Variants in FAM107A observed in about 807,000 individuals in gnomAD.
FAM107A encodes actin-associated protein FAM107A.
A neutral mutation model predicts 13.7 loss-of-function variants in FAM107A; 19 were observed. The observed-to-expected ratio is 1.38, with a 90% CI of 0.97 to 2.03. The LOEUF (loss-of-function observed/expected upper bound fraction) is 2.03, where lower values mean the gene tolerates loss of function less well. Among genes scored for constraint, FAM107A ranks in the 30% most tolerant of loss-of-function variants. FAM107A has a pLI of 0.00. For synonymous variants in FAM107A, 82 were observed against 74.5 expected (o/e 1.10, Z -0.52); for missense variants, 203 against 184.4 (o/e 1.10, Z -0.58).
chr3:58,613,996 C>T lies in FAM107A; in HGVS notation c.-70+13420G>A, dbSNP rs1433203977. 1.3e-5 allele frequency among the ~76,000 whole-genome samples: 2 copies of T among 152,220 alleles called. No individual in the cohort carries two copies. The highest frequency in any genetic ancestry group is 4.8e-5 in the African/African-American group (2 of 41,466). On this transcript the variant is annotated intron_variant, in intron 1 of 3. Coordinates refer to the FAM107A transcript ENST00000465970. This position sits in a 1 kb window ranked among gnomAD's most constrained non-coding sequence, Gnocchi z 4.6. The stretch of plus-strand genomic sequence containing the variant: ...GCATCAGTCACTAGGGGAAGTCAGT[C>T]TCTCTCTAGTATTCACCTGGCTGAG...
chr3:58,595,539 TG>T (rs2065699893), intron 1 of FAM107A, among the ~76,000 whole-genome samples: 1 of 150,750 alleles, frequency 6.6e-6, no homozygotes. Flanking sequence ...CCCTTGAGAA[TG>T]TACTTTTTAA....
intron 1 of FAM107A, among the ~76,000 whole-genome samples, chr3:58,585,300 G>A (rs911815078): frequency 3.9e-5 from 6 of 152,204 alleles, no homozygotes; most frequent in Non-Finnish European, 7.3e-5. Flanking sequence ...TAGGGAAATC[G>A]CCGGAGCTGG....
intron 1 of FAM107A, among the ~76,000 whole-genome samples, chr3:58,582,819 A>C (rs1357650852): frequency 1.3e-5 from 2 of 152,308 alleles, no homozygotes; most frequent in East Asian, 3.9e-4. Context: ...TGTTTGTTTG[A>C]GACAGAGTCT....
In FAM107A at chr3:58,627,065, C is replaced by T. The variant is rs944303682; in HGVS notation, c.-70+351G>A. The stretch of plus-strand genomic sequence containing the variant: ...TGGGGTCCTCCCTGCTGGCGTTGAT[C>T]TCAGGAGCCAGGACCCAAGGGGCTC... On this transcript the variant is annotated intron_variant, in intron 1 of 3. Transcript: ENST00000465970. The T allele has an allele frequency of 2.7e-6, 4 of 1,485,184 alleles. No homozygotes were observed. The African/African-American group carries it at 5.5e-5, about 21-fold the overall frequency. The allele number at this position is 1,485,184 out of a possible 1,614,324, so 92.0% of individuals were successfully genotyped here. A position where few individuals can be genotyped will look rare whatever the true frequency, so the allele number is the denominator to read the frequency against.
rs552005294 is a variant in FAM107A at position 58,623,602 on chromosome 3, A to AG, written c.-70+3813dup. On this transcript the variant is annotated intron_variant, in intron 1 of 3. Coordinates refer to the FAM107A transcript ENST00000465970. ...GAGGGGTTAAATGAGATGCCCCGAC[A>AG]GGGGCTCCAGGTGGGATGTGAGCAC... is the stretch of plus-strand genomic sequence containing the variant. Among the ~76,000 whole-genome samples the AG allele has an allele frequency of 7.2e-4, 109 of 152,346 alleles. 1 individual carries two copies. Among genetic ancestry groups the AG allele is most frequent in the African/African-American group, 2.5e-3 (105 of 41,576 alleles).
At chr3:58,622,171 G>A (rs990103697) in intron 1 of FAM107A, among the ~76,000 whole-genome samples, 2 of 152,172 alleles carry the variant, frequency 1.3e-5, no homozygotes, top group Non-Finnish European at 2.9e-5. Context: ...TTAGGGCTGG[G>A]CTCACACCTG....
At chr3:58,580,374 C>CT (rs1229505400), upstream of FAM107A, among the ~76,000 whole-genome samples, 126 of 110,718 alleles carry the variant, frequency 1.1e-3, no homozygotes, top group East Asian at 3.9e-3. Context: ...AATGCTCTTG[C>CT]TTTTTTTTTT....
intron 1 of FAM107A, among the ~76,000 whole-genome samples, chr3:58,605,516 T>C (rs1281935046): frequency 6.6e-6 from 1 of 152,230 alleles, no homozygotes; most frequent in Non-Finnish European, 1.5e-5. Flanking sequence ...TGTGCCATAG[T>C]TGGGAAATTG....
At chr3:58,612,680 A>C (rs2108079063) in intron 1 of FAM107A, among the ~76,000 whole-genome samples, 1 of 152,278 alleles carries the variant, frequency 6.6e-6, no homozygotes, top group South Asian at 2.1e-4. Flanking sequence ...ATTTTTCTAC[A>C]ATAATAATGT....
intron 1 of FAM107A, among the ~76,000 whole-genome samples, chr3:58,583,979 G>A (rs1378920771): frequency 6.6e-6 from 1 of 152,318 alleles, no homozygotes; most frequent in East Asian, 1.9e-4. Context: ...TTAATGAAAA[G>A]AGCCTCTATT....
chr3:58,587,588 A>G (rs933825012), upstream of FAM107A, among the ~76,000 whole-genome samples: 2 of 151,646 alleles, frequency 1.3e-5, no homozygotes, highest in East Asian at 3.9e-4. Context: ...ACATGTCACA[A>G]GTATCGTGGG....
intron 1 of FAM107A, among the ~76,000 whole-genome samples, chr3:58,600,046 A>T (rs1299515456): frequency 6.6e-6 from 1 of 151,974 alleles, no homozygotes; most frequent in Non-Finnish European, 1.5e-5. Flanking sequence ...CCTGCAATTT[A>T]ATGGGTGATA....
intron 1 of FAM107A, among the ~76,000 whole-genome samples, chr3:58,596,336 C>T (rs75984629): frequency 1.3e-5 from 2 of 152,114 alleles, no homozygotes; most frequent in African/African-American, 4.8e-5. Flanking sequence ...CCCCATGCAC[C>T]GAGGAGCATT....
chr3:58,626,472 T>G (rs2066018864), intron 1 of FAM107A, among the ~76,000 whole-genome samples: 1 of 152,192 alleles, frequency 6.6e-6, no homozygotes, highest in African/African-American at 2.4e-5. Context: ...ACACTTTCAC[T>G]CATTTAATTT....
At chr3:58,609,439 G>A (rs1242317148) in intron 1 of FAM107A, among the ~76,000 whole-genome samples, 1 of 152,120 alleles carries the variant, frequency 6.6e-6, no homozygotes, top group Non-Finnish European at 1.5e-5. Flanking sequence ...AAGATAATTA[G>A]CATTAATGTT....
At chr3:58,587,391 T>C (rs1559480862), upstream of FAM107A, among the ~76,000 whole-genome samples, 1 of 152,154 alleles carries the variant, frequency 6.6e-6, no homozygotes, top group Non-Finnish European at 1.5e-5. Flanking sequence ...TTACCTAACC[T>C]CGCAGAAACT....
chr3:58,577,967 G>A (rs917670894), upstream of FAM107A, among the ~76,000 whole-genome samples: 9 of 151,834 alleles, frequency 5.9e-5, no homozygotes, highest in African/African-American at 1.7e-4. The surrounding 1 kb of genome is among the most constrained non-coding windows in gnomAD (Gnocchi z 4.9). Flanking sequence ...GGGATGCACC[G>A]TGTCTGGGTC....
rs144919298 is a variant in FAM107A at position 58,601,335 on chromosome 3, C to T, written c.-69-12066G>A. 2.2e-3 allele frequency among the ~76,000 whole-genome samples: 328 copies of T among 152,296 alleles called. 1 individual carries two copies. The Middle Eastern group carries it at 0.051, about 24-fold the overall frequency. On this transcript the variant is annotated intron_variant, in intron 1 of 3. Transcript: ENST00000465970. The stretch of plus-strand genomic sequence containing the variant: ...TGCATCTCTCCAGGAATTGTCTCTG[C>T]TTCTATAAACATCTAGAATGATTCT...
At chr3:58,568,444 A>G (rs1025658216) in intron 2 of FAM107A, among the ~76,000 whole-genome samples, 3 of 152,114 alleles carry the variant, frequency 2.0e-5, no homozygotes, top group Non-Finnish European at 2.9e-5. Context: ...CAAACAAAAA[A>G]AAAGAAAAAA....
Sources: allele counts gnomAD v4.1 joint callset (sites outside exome capture counted in the v4.1 genomes callset), GRCh38; gene constraint gnomAD v4.1.1; non-coding constraint Gnocchi (gnomAD v3.1); transcripts MANE v1.5; gene names NCBI Gene and HGNC (gene_info 2026-07-23, HGNC 2026-07-21).